Variants in PCDH15 observed in about 807,000 individuals in gnomAD.
PCDH15 encodes the protein protocadherin related 15.
In PCDH15, 129 loss-of-function variants were observed where a neutral mutation model predicts 178.5. The ratio of observed to expected loss-of-function variants is 0.72; its 90% CI spans 0.63 to 0.84. PCDH15 has a LOEUF of 0.84. Among genes scored for constraint, PCDH15 ranks in the 40% least tolerant of loss-of-function variants. PCDH15 has a pLI of 0.00. For synonymous variants in PCDH15, 800 were observed against 732.0 expected (o/e 1.09, Z -1.50); for missense variants, 2,230 against 2,099.9 (o/e 1.06, Z -1.21).
At chr10:55,293,605 A>C (rs1054646221) in intron 1 of PCDH15, among the ~76,000 whole-genome samples, 1 of 152,196 alleles carries the variant, frequency 6.6e-6, no homozygotes, top group Non-Finnish European at 1.5e-5. Flanking sequence ...TTCTTCAACC[A>C]GATACCCTAA....
At chr10:54,623,375 CTAT>C (rs1164473649) in intron 2 of PCDH15, among the ~76,000 whole-genome samples, 1 of 152,002 alleles carries the variant, frequency 6.6e-6, no homozygotes, top group African/African-American at 2.4e-5. Context: ...TTTATAAGTA[CTAT>C]TATTAATAAT....
chr10:54,524,922 A>G (rs2083232169), intron 3 of PCDH15, among the ~76,000 whole-genome samples: 1 of 152,208 alleles, frequency 6.6e-6, no homozygotes, highest in African/African-American at 2.4e-5. Flanking sequence ...AAAGATCAGG[A>G]ATTGAAAGCA....
chr10:55,556,445 A>C (rs1020954158), intron 2 of PCDH15, among the ~76,000 whole-genome samples: 4 of 152,116 alleles, frequency 2.6e-5, no homozygotes, highest in African/African-American at 7.2e-5. Context: ...GAAGTGGAAA[A>C]TCCTATTGGT....
At chr10:54,488,630 T>C (rs997185263) in intron 3 of PCDH15, among the ~76,000 whole-genome samples, 1 of 151,930 alleles carries the variant, frequency 6.6e-6, no homozygotes, top group African/African-American at 2.4e-5. Flanking sequence ...ATAAGAAGAA[T>C]TGTGTATGAA....
intron 2 of PCDH15, among the ~76,000 whole-genome samples, chr10:55,004,584 C>T (rs1839877920): frequency 1.3e-5 from 2 of 152,150 alleles, no homozygotes; most frequent in South Asian, 4.1e-4. Flanking sequence ...TGATCAACTC[C>T]TCTCTGTCTT....
intron 22 of PCDH15, 134 bp from the exon 23 acceptor site, chr10:53,959,978 C>T (rs1287559551): frequency 2.8e-6 from 2 of 722,976 alleles, no homozygotes; most frequent in East Asian, 2.7e-5. Context: ...TCCTCACTGC[C>T]TACCAGGTGG....
At chr10:55,614,296 A>G (rs1402485761) in intron 2 of PCDH15, among the ~76,000 whole-genome samples, 1 of 152,228 alleles carries the variant, frequency 6.6e-6, no homozygotes, top group Non-Finnish European at 1.5e-5. Context: ...TCTCTAAAAT[A>G]GAGGTAGACA....
At chr10:55,532,877 T>C (rs543481506) in intron 2 of PCDH15, among the ~76,000 whole-genome samples, 1 of 152,056 alleles carries the variant, frequency 6.6e-6, no homozygotes, top group Non-Finnish European at 1.5e-5. Flanking sequence ...ATGTCTAGTT[T>C]ATAATCTTAC....
intron 2 of PCDH15, among the ~76,000 whole-genome samples, chr10:55,624,979 G>A (rs1399246555): frequency 6.6e-6 from 1 of 152,094 alleles, no homozygotes; most frequent in Non-Finnish European, 1.5e-5. Context: ...GACCTGAACT[G>A]CTTTGCATTT....
chr10:55,201,859 T>C (rs1336414139), intron 1 of PCDH15, among the ~76,000 whole-genome samples: 2 of 152,190 alleles, frequency 1.3e-5, no homozygotes, highest in Non-Finnish European at 1.5e-5. Context: ...GTTTGTCTAC[T>C]TTACAATGTG....
chr10:54,768,588 A>C (rs879401188), intron 1 of PCDH15, among the ~76,000 whole-genome samples: 3 of 152,130 alleles, frequency 2.0e-5, no homozygotes, highest in African/African-American at 7.2e-5. Flanking sequence ...ATTTTGAAAA[A>C]TTGGAAAATA....
intron 19 of PCDH15, among the ~76,000 whole-genome samples, chr10:54,021,909 T>A (rs934517182): frequency 6.6e-6 from 1 of 151,970 alleles, no homozygotes; most frequent in African/African-American, 2.4e-5. Flanking sequence ...ACTGAAGACA[T>A]GTTTGTTAAA....
intron 18 of PCDH15, among the ~76,000 whole-genome samples, chr10:54,050,148 T>C (rs995373339): frequency 2.6e-5 from 4 of 152,180 alleles, no homozygotes; most frequent in Non-Finnish European, 5.9e-5. Context: ...CCAGCTCTTC[T>C]CTGTATGTCT....
At chr10:54,878,428 A>G (rs1425740573) in intron 3 of PCDH15, among the ~76,000 whole-genome samples, 2 of 152,202 alleles carry the variant, frequency 1.3e-5, no homozygotes, top group African/African-American at 2.4e-5. Flanking sequence ...GAAGACAGCC[A>G]GAGTGTATAC....
At chr10:54,052,273 G>A (rs1016330327) in intron 18 of PCDH15, among the ~76,000 whole-genome samples, 3 of 152,184 alleles carry the variant, frequency 2.0e-5, no homozygotes, top group Non-Finnish European at 4.4e-5. Flanking sequence ...CATGTGCCTA[G>A]AAAAGCCGCA....
intron 20 of PCDH15, among the ~76,000 whole-genome samples, chr10:54,015,803 AT>A (rs1170987222): frequency 6.6e-6 from 1 of 152,202 alleles, no homozygotes; most frequent in Admixed American, 6.5e-5. Flanking sequence ...AAACACAAAG[AT>A]AACCTCGGAA....
chr10:53,961,233 A>G (rs1055145609), intron 22 of PCDH15, among the ~76,000 whole-genome samples: 1 of 151,956 alleles, frequency 6.6e-6, no homozygotes, highest in Admixed American at 6.6e-5. Context: ...GTAATATATC[A>G]ATCTTATCTT....
intron 18 of PCDH15, among the ~76,000 whole-genome samples, chr10:54,061,993 G>C (rs1353603911): frequency 2.0e-5 from 3 of 151,938 alleles, no homozygotes; most frequent in African/African-American, 7.3e-5. Flanking sequence ...GGGAGGCCAA[G>C]GCGGGCAGAT....
At chr10:54,426,414 G>C (rs1227990366) in intron 3 of PCDH15, among the ~76,000 whole-genome samples, 2 of 152,092 alleles carry the variant, frequency 1.3e-5, no homozygotes, top group Non-Finnish European at 2.9e-5. Flanking sequence ...AGTAGAGCTG[G>C]TGCTTCTATG....
Sources: gnomAD v4.1 joint callset for allele counts (sites outside exome capture counted in the v4.1 genomes callset) on GRCh38, gnomAD v4.1.1 for gene constraint, MANE v1.5 for transcripts, NCBI Gene and HGNC (gene_info 2026-07-23, HGNC 2026-07-21) for gene names.